The following RSRC1 variants were observed in gnomAD, a reference collection of about 807,000 sequenced individuals.
RSRC1 encodes serine/Arginine-related protein 53.
In RSRC1, 39 loss-of-function variants were observed where a neutral mutation model predicts 49.1. The observed-to-expected ratio is 0.79, with a 90% CI of 0.61 to 1.04. RSRC1 has a LOEUF of 1.04. Ranked by LOEUF, RSRC1 falls within the 50% of genes least tolerant of loss-of-function variation. RSRC1 has a pLI of 0.00. For missense variants in RSRC1, 388 were observed against 402.4 expected (o/e 0.96, Z 0.31); for synonymous variants, 143 against 130.8 (o/e 1.09, Z -0.63).
At chr3:158,429,303 AACTC>A (rs1378643213) in intron 6 of RSRC1, among the ~76,000 whole-genome samples, 2 of 151,136 alleles carry the variant, frequency 1.3e-5, no homozygotes, top group East Asian at 3.9e-4. Context: ...ATAATAAATT[AACTC>A]TCCGTCAGTT....
chr3:158,124,074 A>G, intron 3 of RSRC1, 83 bp downstream of exon 3: 1 of 1,001,450 alleles, frequency 1.0e-6, no homozygotes. Context: ...TTATTTTCTT[A>G]TAATTATATA....
At chr3:158,206,690 G>T (rs943858123) in intron 4 of RSRC1, among the ~76,000 whole-genome samples, 21 of 152,110 alleles carry the variant, frequency 1.4e-4, no homozygotes, top group African/African-American at 5.1e-4. Context: ...GAGGCGGGTG[G>T]ATCACCTGAG....
chr3:158,323,982 A>C (rs1221199003), intron 5 of RSRC1, among the ~76,000 whole-genome samples: 1 of 152,196 alleles, frequency 6.6e-6, no homozygotes, highest in Non-Finnish European at 1.5e-5. Context: ...AGTATGATCT[A>C]AATTTGTATC....
chr3:158,344,306 A>G (rs1578365692), intron 5 of RSRC1, among the ~76,000 whole-genome samples: 1 of 152,286 alleles, frequency 6.6e-6, no homozygotes, highest in Non-Finnish European at 1.5e-5. Flanking sequence ...AAGTCACATC[A>G]TAATCAAAAT....
chr3:158,400,152 T>C (rs1252413813), intron 6 of RSRC1, among the ~76,000 whole-genome samples: 3 of 152,114 alleles, frequency 2.0e-5, no homozygotes, highest in Non-Finnish European at 4.4e-5. Context: ...TATACCATGG[T>C]GGTCCTATTC....
intron 3 of RSRC1, among the ~76,000 whole-genome samples, chr3:158,141,342 A>T (rs1716738422): frequency 6.6e-6 from 1 of 152,128 alleles, no homozygotes; most frequent in Admixed American, 6.5e-5. Context: ...GGTGAATCTG[A>T]TGAGAAGTAT....
At chr3:158,395,165 T>C (rs1371679457) in intron 6 of RSRC1, among the ~76,000 whole-genome samples, 1 of 152,076 alleles carries the variant, frequency 6.6e-6, no homozygotes, top group African/African-American at 2.4e-5. Flanking sequence ...CCTTAGAACA[T>C]ATACAAAGAT....
chr3:158,184,860 C>T (rs1719834982), intron 3 of RSRC1, among the ~76,000 whole-genome samples: 1 of 151,928 alleles, frequency 6.6e-6, no homozygotes, highest in Non-Finnish European at 1.5e-5. Context: ...GTTTCTATTT[C>T]ATATGAATAA....
rs540097016 is a variant in RSRC1 at position 158,240,573 on chromosome 3, C to T, written c.494+37328C>T. Among the ~76,000 whole-genome samples the T allele has an allele frequency of 6.0e-4, 91 of 152,182 alleles. 2 individuals carry two copies. The highest frequency in any genetic ancestry group is 3.3e-3 in the Admixed American group (50 of 15,272). On this transcript the variant is annotated intron_variant, in intron 4 of 9. Transcript: ENST00000611884. Reference sequence around the variant, plus strand: ...TAACAATCTTCCTGGGTGAGATTTACGCGTAATTTTTCTTTCCTGTTCTCT... The same window carrying T: ...TAACAATCTTCCTGGGTGAGATTTATGCGTAATTTTTCTTTCCTGTTCTCT...
intron 2 of RSRC1, among the ~76,000 whole-genome samples, chr3:158,123,458 G>C (rs1300961743): frequency 6.6e-6 from 1 of 152,128 alleles, no homozygotes; most frequent in Admixed American, 6.6e-5. Context: ...GCCTAGCTAA[G>C]TTTTTTTATT....
At chr3:158,199,669 C>T (rs956554629) in intron 3 of RSRC1, among the ~76,000 whole-genome samples, 3 of 152,108 alleles carry the variant, frequency 2.0e-5, no homozygotes, top group South Asian at 2.1e-4. Context: ...TCTCCCTAAA[C>T]GTTGCTTTAT....
intron 6 of RSRC1, among the ~76,000 whole-genome samples, chr3:158,392,080 A>G (rs938383581): frequency 1.3e-5 from 2 of 152,110 alleles, no homozygotes; most frequent in Non-Finnish European, 2.9e-5. Flanking sequence ...ACGTTCTTTA[A>G]GATGTCAGAA....
chr3:158,225,266 G>GT (rs1473994127), intron 4 of RSRC1, among the ~76,000 whole-genome samples: 4 of 151,816 alleles, frequency 2.6e-5, no homozygotes, highest in African/African-American at 9.7e-5. Context: ...TTTAAGTTAC[G>GT]TAGTTGTCTA....
chr3:158,409,755 G>A (rs183674447), intron 6 of RSRC1, among the ~76,000 whole-genome samples: 18 of 152,168 alleles, frequency 1.2e-4, no homozygotes, highest in African/African-American at 4.3e-4. Flanking sequence ...GGGTCAGAAG[G>A]TTAATGATGA....
At chr3:158,146,285 T>G (rs1024299471) in intron 3 of RSRC1, among the ~76,000 whole-genome samples, 5 of 152,214 alleles carry the variant, frequency 3.3e-5, no homozygotes, top group Non-Finnish European at 5.9e-5. Flanking sequence ...TAGCTCTTAT[T>G]ATTTTGAGAT....
At chr3:158,508,472 G>A (rs757374547) in intron 7 of RSRC1, among the ~76,000 whole-genome samples, 3 of 150,918 alleles carry the variant, frequency 2.0e-5, no homozygotes, top group South Asian at 4.2e-4. Context: ...CATACATGTC[G>A]TACCTAATGA....
chr3:158,531,532 G>T (rs1712400373), intron 7 of RSRC1, among the ~76,000 whole-genome samples: 1 of 151,858 alleles, frequency 6.6e-6, no homozygotes, highest in African/African-American at 2.4e-5. Flanking sequence ...GTCCAAAGTG[G>T]AGTTCCTTTC....
At chr3:158,119,079 C>T (rs978020672) in intron 1 of RSRC1, among the ~76,000 whole-genome samples, 1 of 152,134 alleles carries the variant, frequency 6.6e-6, no homozygotes, top group South Asian at 2.1e-4. Flanking sequence ...CCAAAATAAA[C>T]GTTCTCTCCT....
chr3:158,133,002 G>A (rs1256833959), intron 3 of RSRC1, among the ~76,000 whole-genome samples: 1 of 151,972 alleles, frequency 6.6e-6, no homozygotes, highest in Admixed American at 6.5e-5. Context: ...ACGGATATCT[G>A]GAAACTAGAA....
Sources: gnomAD v4.1 joint callset for allele counts (sites outside exome capture counted in the v4.1 genomes callset) on GRCh38, gnomAD v4.1.1 for gene constraint, MANE v1.5 for transcripts, NCBI Gene and HGNC (gene_info 2026-07-23, HGNC 2026-07-21) for gene names.